Variants in CNOT4 observed in about 807,000 individuals in gnomAD.
The protein encoded by CNOT4 is CCR4-NOT transcription complex subunit 4.
CNOT4 carries 8 observed loss-of-function variants against 73.8 expected under a neutral mutation model. That is an observed-to-expected ratio of 0.11 (90% CI 0.06 to 0.20). The LOEUF is 0.20. CNOT4 is among the 10% of genes least tolerant of loss of function. The pLI, the probability that CNOT4 is intolerant of heterozygous loss-of-function variation, is 1.00. For missense variants in CNOT4, 564 were observed against 883.4 expected, an observed-to-expected ratio of 0.64 and a Z score of 4.58; for synonymous variants, 293 against 321.1, an observed-to-expected ratio of 0.91 and a Z score of 0.94.
At chr7:135,406,907 A>C (rs1797320934) in intron 7 of CNOT4, among the ~76,000 whole-genome samples, 1 of 152,218 alleles carries the variant, frequency 6.6e-6, no homozygotes, top group African/African-American at 2.4e-5. Flanking sequence ...TTACAAAAAT[A>C]AGTAAATAAT....
chr7:135,363,845 GAA>G lies in CNOT4; in HGVS notation c.1840+7_1840+8del. 1 of 1,584,784 alleles carries G rather than the reference GAA, an allele frequency of 6.3e-7. No individual in the cohort carries two copies. Among genetic ancestry groups the G allele is most frequent in the Non-Finnish European group, 8.5e-7 (1 of 1,171,124 alleles). ...CAGTCAGTGTAGCTGAAGGGAGTGAGAAAGTTACCTGTGATGATGGCTGGGTC... is the reference window on the plus strand; with the variant it reads ...CAGTCAGTGTAGCTGAAGGGAGTGAGAGTTACCTGTGATGATGGCTGGGTC... On this transcript the variant is annotated splice_region_variant and intron_variant, in intron 11 of 11. Coordinates refer to ENST00000541284, the MANE Select transcript of CNOT4 (RefSeq NM_001190850.2). The surrounding 1 kb of genome is among the most constrained non-coding windows in gnomAD (Gnocchi z 4.3).
chr7:135,369,308 G>A (rs1239991424), intron 10 of CNOT4, among the ~76,000 whole-genome samples: 3 of 152,108 alleles, frequency 2.0e-5, no homozygotes, highest in Non-Finnish European at 4.4e-5. Context: ...ACCAAATCAG[G>A]ATATTGTGCC....
At chr7:135,479,994 A>G (rs1297700047) in intron 1 of CNOT4, among the ~76,000 whole-genome samples, 3 of 152,254 alleles carry the variant, frequency 2.0e-5, no homozygotes, top group African/African-American at 4.8e-5. Context: ...TATAAGAAAC[A>G]TTAAAAGTAC....
intron 10 of CNOT4, among the ~76,000 whole-genome samples, chr7:135,365,544 G>A (rs1233268962): frequency 6.6e-6 from 1 of 151,834 alleles, no homozygotes; most frequent in Non-Finnish European, 1.5e-5. Context: ...ACAGACTCAG[G>A]AATAATTTCC....
intron 1 of CNOT4, among the ~76,000 whole-genome samples, chr7:135,496,282 G>A (rs574137212): frequency 6.6e-5 from 10 of 152,224 alleles, no homozygotes; most frequent in Admixed American, 2.6e-4. Context: ...TATTAGAGAC[G>A]GGGTTTCGCC....
chr7:135,374,120 T>C (rs915438341), intron 10 of CNOT4, among the ~76,000 whole-genome samples: 2 of 152,200 alleles, frequency 1.3e-5, no homozygotes, highest in Non-Finnish European at 2.9e-5. Flanking sequence ...TTGTTTTCCA[T>C]TGGAAAAGTC....
At chr7:135,493,195 T>G (rs112974962) in intron 1 of CNOT4, among the ~76,000 whole-genome samples, 3,199 of 152,194 alleles carry the variant, frequency 0.021, 115 homozygotes, top group African/African-American at 0.072. Context: ...TTGGTTGGTT[T>G]GTTTGCTTGT....
intron 1 of CNOT4, among the ~76,000 whole-genome samples, chr7:135,449,868 A>G (rs888387445): frequency 7.2e-5 from 11 of 151,988 alleles, no homozygotes; most frequent in East Asian, 3.9e-4. Context: ...GATACATTCT[A>G]AAGTATTGAC....
At chr7:135,444,761 T>A in intron 1 of CNOT4, 1 of 1,501,612 alleles carries the variant, frequency 6.7e-7, no homozygotes, top group South Asian at 1.1e-5. Context: ...CTCTTCATGG[T>A]CACTGGGGCC....
At chr7:135,413,689 T>G in intron 5 of CNOT4, 76 bp from the exon 6 acceptor site, 1 of 1,450,902 alleles carries the variant, frequency 6.9e-7, no homozygotes, top group East Asian at 2.4e-5. Context: ...CCATGTTTAG[T>G]GTTTTCAAGT....
Position 135,413,591 on chromosome 7 carries a change from T to C in CNOT4, c.584A>G (p.Tyr195Cys), listed in dbSNP as rs1253716531. Residue 195 changes from tyrosine to cysteine, a missense_variant, in exon 6 of 12, where the codon TAC (tyrosine) becomes TGC (cysteine). This residue lies in a region of CNOT4 where 14 missense variants were observed against 69.5 expected (regional missense o/e 0.20). Coordinates refer to ENST00000541284, the MANE Select transcript of CNOT4 (RefSeq NM_001190850.2). ...TLKASLGTTK[Y>C]CSYFLKNMQC... ...CATATTCTTTAAGAAGTAACTGCAG[T>C]ATTTTGTTGTACCTAGAGATGCCTG... The C allele has an allele frequency of 1.2e-6, 2 of 1,611,130 alleles. No homozygotes were observed. Among genetic ancestry groups the C allele is most frequent in the Non-Finnish European group, 1.7e-6 (2 of 1,177,936 alleles).
At chr7:135,500,632 T>C (rs1277897208) in intron 1 of CNOT4, among the ~76,000 whole-genome samples, 3 of 152,202 alleles carry the variant, frequency 2.0e-5, no homozygotes, top group Non-Finnish European at 2.9e-5. Flanking sequence ...CCCTGTATAC[T>C]TCCTCAGCCT....
At chr7:135,440,329 CT>C (rs538595282) in intron 1 of CNOT4, among the ~76,000 whole-genome samples, 3,376 of 137,596 alleles carry the variant, frequency 0.025, 101 homozygotes, top group African/African-American at 0.074. Context: ...AGCCAGGTAA[CT>C]TTTTTTTTTT....
At chr7:135,499,505 T>C (rs1423684552) in intron 1 of CNOT4, among the ~76,000 whole-genome samples, 1 of 152,150 alleles carries the variant, frequency 6.6e-6, no homozygotes, top group African/African-American at 2.4e-5. Context: ...CATAAACTAT[T>C]AATAATTTGA....
At chr7:135,508,740 C>T in intron 1 of CNOT4, among the ~76,000 whole-genome samples, 1 of 152,060 alleles carries the variant, frequency 6.6e-6, no homozygotes, top group East Asian at 1.9e-4. Context: ...ACACATAACC[C>T]ACATGTAATC....
In CNOT4 at chr7:135,363,204, A is replaced by G. The variant is rs775708552; in HGVS notation, c.1841-18T>C. The G allele has an allele frequency of 6.2e-7, 1 of 1,610,072 alleles. No homozygotes were observed. ...TGGAATACCTAAGGAGAGAAAAGAAAAAAGAGGGAAAATGGTGAGTTTGTG... is the reference window on the plus strand; with the variant it reads ...TGGAATACCTAAGGAGAGAAAAGAAGAAAGAGGGAAAATGGTGAGTTTGTG... On this transcript the variant is annotated intron_variant, in intron 11 of 11. Coordinates refer to ENST00000541284, the MANE Select transcript of CNOT4 (RefSeq NM_001190850.2). This position sits in a 1 kb window ranked among gnomAD's most constrained non-coding sequence, Gnocchi z 4.3.
chr7:135,380,400 C>T (rs1795779273), intron 10 of CNOT4, among the ~76,000 whole-genome samples: 2 of 152,172 alleles, frequency 1.3e-5, no homozygotes, highest in Admixed American at 1.3e-4. Context: ...AGTTCTGACA[C>T]TGGTAATTTT....
chr7:135,476,632 T>C (rs1802013283), intron 1 of CNOT4, among the ~76,000 whole-genome samples: 1 of 152,106 alleles, frequency 6.6e-6, no homozygotes, highest in African/African-American at 2.4e-5. Flanking sequence ...GCTATGATTG[T>C]GCCACTGCAC....
intron 7 of CNOT4, 126 bp from the exon 8 acceptor site, chr7:135,398,352 G>T: frequency 1.6e-6 from 1 of 616,392 alleles, no homozygotes; most frequent in East Asian, 2.8e-5. Flanking sequence ...TGAGGTACTG[G>T]GAAGTAAAAC....
Sources: gnomAD v4.1 joint callset for allele counts (sites outside exome capture counted in the v4.1 genomes callset) on GRCh38, gnomAD v4.1.1 for gene constraint, gnomAD v4.1.1 regional missense constraint, Gnocchi (gnomAD v3.1) non-coding constraint, MANE v1.5 for transcripts, NCBI Gene and HGNC (gene_info 2026-07-23, HGNC 2026-07-21) for gene names.